The following MAGI2 variants were observed in gnomAD, a reference collection of about 807,000 sequenced individuals.
MAGI2 encodes the protein membrane associated guanylate kinase, WW and PDZ domain containing 2.
A neutral mutation model predicts 133.3 loss-of-function variants in MAGI2; 35 were observed. That is an observed-to-expected ratio of 0.26 (90% CI 0.20 to 0.35). The LOEUF (loss-of-function observed/expected upper bound fraction) is 0.35. MAGI2 is among the 10% of genes least tolerant of loss of function. The pLI is 1.00. For synonymous variants in MAGI2, 729 were observed against 710.6 expected (o/e 1.03, Z -0.41); for missense variants, 1,636 against 1,863.4 (o/e 0.88, Z 2.25).
chr7:79,221,419 C>A (rs1402859692), intron 1 of MAGI2, among the ~76,000 whole-genome samples: 4 of 151,916 alleles, frequency 2.6e-5, no homozygotes, highest in Non-Finnish European at 5.9e-5. Flanking sequence ...AGCAGGAAAC[C>A]AGAGACAGGG....
chr7:78,142,518 C>A (rs1412806941), intron 16 of MAGI2, among the ~76,000 whole-genome samples: 3 of 152,152 alleles, frequency 2.0e-5, no homozygotes, highest in East Asian at 3.8e-4. Flanking sequence ...ACTTTTGATT[C>A]TTCACATATT....
chr7:78,384,786 T>A lies in MAGI2; in HGVS notation c.1046-15573A>T, dbSNP rs558335191. 1.2e-4 allele frequency among the ~76,000 whole-genome samples: 18 copies of A among 152,316 alleles called. No individual in the cohort carries two copies. In the South Asian group the frequency reaches 3.7e-3, roughly 32 times the overall value. On this transcript the variant is annotated intron_variant, in intron 6 of 21. Transcript: ENST00000354212. The stretch of plus-strand genomic sequence containing the variant: ...ACAAACTGAATTCTACTTGGGAATA[T>A]GCCTTAATTTCATTTTCTATTTAAT...
chr7:78,397,471 T>G (rs1008427840), intron 6 of MAGI2, among the ~76,000 whole-genome samples: 65 of 151,940 alleles, frequency 4.3e-4, no homozygotes, highest in Admixed American at 4.1e-3. Context: ...ATGTGACAGG[T>G]TTCTAGGCAA....
intron 1 of MAGI2, among the ~76,000 whole-genome samples, chr7:79,124,478 G>T (rs1369790779): frequency 1.3e-5 from 2 of 152,144 alleles, no homozygotes; most frequent in African/African-American, 4.8e-5. Context: ...AACAGGACTT[G>T]AACTTAGGTC....
At chr7:78,529,097 T>C (rs565532543) in intron 3 of MAGI2, among the ~76,000 whole-genome samples, 22 of 152,312 alleles carry the variant, frequency 1.4e-4, no homozygotes, top group African/African-American at 4.8e-4. Flanking sequence ...TCCAATGACA[T>C]ACATTCTGAA....
rs150210410 is a variant in MAGI2, at chr7:79,403,794, G to C, written c.301+49226C>G. On this transcript the variant is annotated intron_variant, in intron 1 of 21. Coordinates refer to ENST00000354212, the MANE Select transcript of MAGI2 (RefSeq NM_012301.4). ...TTTCAAAATATAAAGTAAGTACAAA[G>C]TAAATCTGATAAGTCAACATTAAAT... Among the ~76,000 whole-genome samples the C allele has an allele frequency of 8.4e-3, 1,284 of 152,192 alleles. 15 individuals carry two copies. The highest frequency in any genetic ancestry group is 9.1e-3 in the Non-Finnish European group (622 of 68,008).
At chr7:78,848,632 C>T (rs1393408874) in intron 2 of MAGI2, among the ~76,000 whole-genome samples, 3 of 151,878 alleles carry the variant, frequency 2.0e-5, no homozygotes, top group Non-Finnish European at 4.4e-5. Flanking sequence ...CTCCTTGCAC[C>T]CTAAAATTCA....
intron 2 of MAGI2, among the ~76,000 whole-genome samples, chr7:78,686,275 G>A (rs321964): frequency 0.73 from 111,535 of 151,912 alleles, 41,155 homozygotes; most frequent in East Asian, 0.97. Flanking sequence ...TTGGTTGATG[G>A]CTAATGGAAA....
chr7:78,443,107 C>CTGTT (rs112517353), intron 6 of MAGI2, among the ~76,000 whole-genome samples: 1 of 151,882 alleles, frequency 6.6e-6, no homozygotes, highest in South Asian at 2.1e-4. Context: ...TTGACAAATA[C>CTGTT]TCTATCTAGA....
At chr7:79,246,545 A>G (rs913425829) in intron 1 of MAGI2, among the ~76,000 whole-genome samples, 1 of 152,348 alleles carries the variant, frequency 6.6e-6, no homozygotes, top group South Asian at 2.1e-4. Flanking sequence ...AACAGACTTG[A>G]TCAACCAAAA....
intron 6 of MAGI2, among the ~76,000 whole-genome samples, chr7:78,379,475 A>G (rs1402101231): frequency 6.6e-6 from 1 of 152,026 alleles, no homozygotes; most frequent in East Asian, 1.9e-4. Context: ...CTTTATAACA[A>G]TAAAGGTCAC....
chr7:78,896,269 G>T (rs1215436628), intron 2 of MAGI2, among the ~76,000 whole-genome samples: 1 of 151,872 alleles, frequency 6.6e-6, no homozygotes, highest in Non-Finnish European at 1.5e-5. Context: ...TGGTGTACTT[G>T]AAACTATCTT....
intron 1 of MAGI2, chr7:79,412,123 GA>G (rs1183446807): frequency 6.6e-6 from 1 of 151,832 alleles, no homozygotes; most frequent in African/African-American, 2.4e-5. Flanking sequence ...ACACTACTTA[GA>G]AAAAAGCTCA....
chr7:78,711,600 C>T lies in MAGI2; in HGVS notation c.419-84361G>A, dbSNP rs977810655. 1.1e-4 allele frequency among the ~76,000 whole-genome samples: 9 copies of T among 81,834 alleles called. No individual in the cohort carries two copies. The East Asian group carries it at 3.4e-3, about 31-fold the overall frequency. The allele number at this position is 81,834 out of a possible 152,430, so 53.7% of individuals were successfully genotyped here. On this transcript the variant is annotated intron_variant, in intron 2 of 21. Transcript: ENST00000354212. ...AAAAATTTCCATGATCAAGGACTGACGATGGAGTCTTTAGGTCCCCAGCTT... is the reference window on the plus strand; with the variant it reads ...AAAAATTTCCATGATCAAGGACTGATGATGGAGTCTTTAGGTCCCCAGCTT...
chr7:78,995,777 T>C (rs1429445095), intron 2 of MAGI2, among the ~76,000 whole-genome samples: 1 of 152,162 alleles, frequency 6.6e-6, no homozygotes, highest in African/African-American at 2.4e-5. Flanking sequence ...AGCATGCTTA[T>C]GGTTCTGACT....
chr7:78,102,115 A>T (rs1818261652), intron 20 of MAGI2, among the ~76,000 whole-genome samples: 1 of 152,204 alleles, frequency 6.6e-6, no homozygotes, highest in East Asian at 1.9e-4. Flanking sequence ...AGAAAGACAA[A>T]TATTGCATGA....
At chr7:78,788,934 C>A (rs904168377) in intron 2 of MAGI2, among the ~76,000 whole-genome samples, 2 of 152,106 alleles carry the variant, frequency 1.3e-5, no homozygotes, top group Non-Finnish European at 2.9e-5. Context: ...TGTACCCCTA[C>A]GAGAGGCCCG....
intron 2 of MAGI2, among the ~76,000 whole-genome samples, chr7:78,815,479 T>C (rs909555659): frequency 3.3e-5 from 5 of 152,152 alleles, no homozygotes; most frequent in African/African-American, 1.2e-4. Flanking sequence ...ATATAGGCTA[T>C]CTCATTTCAT....
At chr7:78,822,187 A>T (rs561262883) in intron 2 of MAGI2, among the ~76,000 whole-genome samples, 22 of 152,068 alleles carry the variant, frequency 1.4e-4, no homozygotes, top group Admixed American at 9.2e-4. Context: ...TTATAATCAG[A>T]ACAAAGTTTC....
Sources: gnomAD v4.1 joint callset for allele counts (sites outside exome capture counted in the v4.1 genomes callset) on GRCh38, gnomAD v4.1.1 for gene constraint, MANE v1.5 for transcripts, NCBI Gene and HGNC (gene_info 2026-07-23, HGNC 2026-07-21) for gene names.